Variants in CR1 observed in about 807,000 individuals in gnomAD.
The protein encoded by CR1 is complement receptor type 1.
CR1 carries 116 observed loss-of-function variants against 187.3 expected under a neutral mutation model. The ratio of observed to expected loss-of-function variants is 0.62; its 90% CI spans 0.53 to 0.72. The LOEUF is 0.72. Among genes scored for constraint, CR1 ranks in the 30% least tolerant of loss-of-function variants. The pLI is 0.00. For missense variants in CR1, 1,731 were observed against 2,110.7 expected, an observed-to-expected ratio of 0.82 and a Z score of 3.52; for synonymous variants, 576 against 747.1, an observed-to-expected ratio of 0.77 and a Z score of 3.73.
chr1:207,506,650 T>C, intron 2 of CR1, 64 bp from the exon 3 acceptor site: 1 of 1,336,232 alleles, frequency 7.5e-7, no homozygotes, highest in Non-Finnish European at 1.1e-6. Flanking sequence ...GTTGAGACCT[T>C]ATGTACTAAA....
chr1:207,632,797 C>CAAAAAAAAAAAAAAAAAAAAAAA lies in CR1; in HGVS notation c.7457+2182_7457+2204dup, dbSNP rs55649027. On this transcript the variant is annotated intron_variant, in intron 46 of 46. Coordinates refer to ENST00000367049, the MANE Select transcript of CR1 (RefSeq NM_000651.6). The stretch of plus-strand genomic sequence containing the variant: ...TGGGTGACAGAGCAAGACTCCGTCT[C>CAAAAAAAAAAAAAAAAAAAAAAA]AAAAAAAAAAAAAAAAAAAAAAAAA... Among the ~76,000 whole-genome samples the CAAAAAAAAAAAAAAAAAAAAAAA allele has an allele frequency of 3.7e-5, 4 of 107,658 alleles. 1 individual carries two copies. The highest frequency in any genetic ancestry group is 1.8e-4 in the African/African-American group (4 of 22,570). 70.6% of individuals were successfully genotyped at this position (107,658 alleles called of 152,430 possible). A position where few individuals can be genotyped will look rare whatever the true frequency, so the allele number is the denominator to read the frequency against.
intron 46 of CR1, among the ~76,000 whole-genome samples, chr1:207,635,091 C>T (rs574955393): frequency 1.2e-4 from 19 of 152,186 alleles, no homozygotes; most frequent in African/African-American, 4.1e-4. Context: ...TTCTAATGAC[C>T]GTGTAATTTA....
chr1:207,581,745 G>T (rs1287360052), intron 31 of CR1, among the ~76,000 whole-genome samples, 173 bp from the exon 32 acceptor site: 1 of 152,062 alleles, frequency 6.6e-6, no homozygotes, highest in Non-Finnish European at 1.5e-5. Context: ...AAATGATTTG[G>T]CTTCTGAGCC....
chr1:207,501,239 A>G (rs1294976088), intron 1 of CR1, among the ~76,000 whole-genome samples: 1 of 152,224 alleles, frequency 6.6e-6, no homozygotes, highest in African/African-American at 2.4e-5. Flanking sequence ...AAGGAAGTGG[A>G]TGTTTGGATG....
chr1:207,586,244 C>A (rs1661108924), intron 33 of CR1, among the ~76,000 whole-genome samples: 1 of 152,000 alleles, frequency 6.6e-6, no homozygotes, highest in Non-Finnish European at 1.5e-5. Context: ...CTCAAGCAAG[C>A]CTCCCATCTC....
chr1:207,522,713 G>A (rs1558225886), intron 4 of CR1, among the ~76,000 whole-genome samples: 1 of 152,152 alleles, frequency 6.6e-6, no homozygotes, highest in Non-Finnish European at 1.5e-5. Flanking sequence ...TATTTGAACT[G>A]TTGAGATTAC....
chr1:207,609,530 T>C lies in CR1; in HGVS notation c.6137T>C (p.Val2046Ala), dbSNP rs769571841. 1 of 1,613,906 alleles carries C rather than the reference T, an allele frequency of 6.2e-7. No homozygotes were observed. The highest frequency in any genetic ancestry group is 1.3e-5 in the African/African-American group (1 of 75,044). The change falls in exon 37 of 47, where the codon GTT becomes GCT. Residue 2046 changes from valine to alanine, a missense_variant. Val to Ala is a moderately conservative substitution (Grantham distance 64). Around this residue, in one of 5 missense-constraint regions of CR1, gnomAD observed 1,312 missense variants for 1,379.6 expected, o/e 0.95. Coordinates refer to ENST00000367049, the MANE Select transcript of CR1 (RefSeq NM_000651.6). ...ISTNKCTAPE[V>A]ENAIRVPGNR... ...ACTAATAAATGCACAGCTCCAGAAG[T>C]TGAAAATGCAATTAGAGTACCAGGA...
rs1357378202 is a variant in CR1 at position 207,609,462 on chromosome 1, T to C, written c.6069T>C (p.Asp2023=). ...CAATATATTGCACCAGCAAAGATGA[T>C]CAAGTTGGTGTTTGGAGCAGCCCTC... ...ERSIYCTSKD[D]QVGVWSSPPP... is the part of the protein sequence containing the mutation. The change falls in exon 37 of 47, where the codon GAT becomes GAC. Residue 2023 remains aspartate (D), a synonymous_variant. Transcript: ENST00000367049. 1 of 1,614,004 alleles carries C rather than the reference T, an allele frequency of 6.2e-7. No homozygotes were observed. The highest frequency in any genetic ancestry group is 1.3e-5 in the African/African-American group (1 of 75,048).
chr1:207,596,621 T>A (rs1004851576), intron 35 of CR1, among the ~76,000 whole-genome samples: 44 of 150,368 alleles, frequency 2.9e-4, no homozygotes, highest in African/African-American at 1.0e-3. Context: ...TCTCAAAAAA[T>A]AATAATAATA....
In CR1 at chr1:207,521,556, C is replaced by A. The variant is rs1230121755; in HGVS notation, c.488-2055C>A. 4.1e-5 allele frequency among the ~76,000 whole-genome samples: 6 copies of A among 146,330 alleles called. No homozygotes were observed. In the Admixed American group the frequency reaches 4.1e-4, roughly 10 times the overall value. Reference sequence around the variant, plus strand: ...ACCTGCTATTAATCTCACACAAATTCTTAATTTCAGCAATCATATTTTACT... The same window carrying A: ...ACCTGCTATTAATCTCACACAAATTATTAATTTCAGCAATCATATTTTACT... On this transcript the variant is annotated intron_variant, in intron 4 of 46. Coordinates refer to ENST00000367049, the MANE Select transcript of CR1 (RefSeq NM_000651.6).
chr1:207,609,249 T>C (rs756558539), intron 36 of CR1, 41 bp from the exon 37 acceptor site: 4 of 1,482,884 alleles, frequency 2.7e-6, no homozygotes, highest in Non-Finnish European at 3.6e-6. Context: ...TAATTCATTA[T>C]TAAAAAATAA....
At chr1:207,630,112 A>G (rs909125661) in intron 45 of CR1, among the ~76,000 whole-genome samples, 16 of 152,236 alleles carry the variant, frequency 1.1e-4, no homozygotes, top group Admixed American at 9.2e-4. Flanking sequence ...AACAGAACAC[A>G]TATCTTCACT....
chr1:207,619,242 G>T (rs1662239137), intron 42 of CR1, among the ~76,000 whole-genome samples: 1 of 150,866 alleles, frequency 6.6e-6, no homozygotes, highest in Non-Finnish European at 1.5e-5. Flanking sequence ...AATTAATCAG[G>T]CATGGTGGTA....
At chr1:207,638,249 A>G (rs1299489877) in intron 46 of CR1, among the ~76,000 whole-genome samples, 1 of 152,222 alleles carries the variant, frequency 6.6e-6, no homozygotes, top group Non-Finnish European at 1.5e-5. Context: ...AAGCTTTACT[A>G]CAGTATCCTG....
chr1:207,522,465 A>G (rs1660027864), intron 4 of CR1, among the ~76,000 whole-genome samples: 1 of 152,218 alleles, frequency 6.6e-6, no homozygotes, highest in African/African-American at 2.4e-5. Context: ...GAGAAAATCA[A>G]AAGTCTGTTC....
At chr1:207,524,144 G>A (rs1660092202) in intron 5 of CR1, 135 bp downstream of exon 5, 2 of 1,559,970 alleles carry the variant, frequency 1.3e-6, no homozygotes, top group Non-Finnish European at 1.7e-6. Flanking sequence ...TAGTGAACAT[G>A]AAATTCAGAA....
chr1:207,520,968 G>GTTTTTTTTTTTTT (rs141546660), intron 4 of CR1, among the ~76,000 whole-genome samples: 4 of 44,568 alleles, frequency 9.0e-5, no homozygotes, highest in East Asian at 7.7e-4. Flanking sequence ...TTTTTTGGTT[G>GTTTTTTTTTTTTT]TTTTTTTTTT....
chr1:207,507,391 G>C (rs1264148682), intron 3 of CR1: 1 of 152,526 alleles, frequency 6.6e-6, no homozygotes, highest in Non-Finnish European at 1.5e-5. Context: ...GCGTGTGGCA[G>C]CAGAACTCCC....
chr1:207,516,679 T>C (rs555600052), intron 4 of CR1, among the ~76,000 whole-genome samples: 1 of 152,318 alleles, frequency 6.6e-6, no homozygotes, highest in Non-Finnish European at 1.5e-5. Context: ...TTAATAATAT[T>C]TGTTAATGTA....
Sources: allele counts gnomAD v4.1 joint callset (sites outside exome capture counted in the v4.1 genomes callset), GRCh38; gene constraint gnomAD v4.1.1; regional missense constraint gnomAD v4.1.1; transcripts MANE v1.5; gene names NCBI Gene and HGNC (gene_info 2026-07-23, HGNC 2026-07-21).